The following RANBP17 variants were observed in gnomAD, a reference collection of about 807,000 sequenced individuals.
RANBP17 encodes RAN binding protein 17.
In RANBP17, 158 loss-of-function variants were observed where a neutral mutation model predicts 141.2. The ratio of observed to expected loss-of-function variants is 1.12; its 90% CI spans 0.98 to 1.28. RANBP17 has a LOEUF of 1.28. RANBP17 is among the 50% of genes most tolerant of loss of function. The pLI, the probability that RANBP17 is intolerant of heterozygous loss-of-function variation, is 0.00. For missense variants in RANBP17, 1,438 were observed against 1,290.7 expected (o/e 1.11, Z -1.75); for synonymous variants, 430 against 450.0 (o/e 0.96, Z 0.56).
chr5:171,204,784 T>C (rs1762479170), intron 19 of RANBP17, among the ~76,000 whole-genome samples: 1 of 152,182 alleles, frequency 6.6e-6, no homozygotes, highest in African/African-American at 2.4e-5. Flanking sequence ...GAACATTTAC[T>C]GTGTATCAAG....
chr5:170,895,937 T>C (rs1770075460), intron 4 of RANBP17, 113 bp from the exon 5 acceptor site: 1 of 492,016 alleles, frequency 2.0e-6, no homozygotes. Context: ...CATTTTATTA[T>C]TGAGTAAATG....
rs1764968124 is a variant in RANBP17, at chr5:171,242,750, C to T, written c.2706C>T (p.Phe902=). ...GTCTCACTCAGGACCATATGAGCTT[C>T]ATCATCAACTTAGAGCCTCCTGTAC... ...LECLTQDHMS[F]IINLEPPVLM... The change falls in exon 24 of 28, where the codon TTC becomes TTT. Residue 902 remains phenylalanine, a synonymous_variant. Coordinates refer to ENST00000523189, the MANE Select transcript of RANBP17 (RefSeq NM_022897.5). 11 of 1,613,716 alleles carry T rather than the reference C, an allele frequency of 6.8e-6. No individual in the cohort carries two copies. In the East Asian group the frequency reaches 2.5e-4, roughly 36 times the overall value.
chr5:170,912,833 G>A (rs1771640913), intron 7 of RANBP17, among the ~76,000 whole-genome samples: 1 of 151,838 alleles, frequency 6.6e-6, no homozygotes, highest in East Asian at 1.9e-4. Flanking sequence ...GTTCTGAAGG[G>A]TATGCATTTT....
chr5:170,989,741 TCTTTG>T (rs1256230792), intron 14 of RANBP17, among the ~76,000 whole-genome samples: 2 of 151,918 alleles, frequency 1.3e-5, no homozygotes, highest in South Asian at 2.1e-4. Context: ...TGTATACTGG[TCTTTG>T]CTAACTCATG....
intron 14 of RANBP17, among the ~76,000 whole-genome samples, chr5:171,041,249 T>A (rs551981621): frequency 7.2e-5 from 11 of 152,260 alleles, no homozygotes; most frequent in Non-Finnish European, 1.5e-4. Context: ...TGTTATTTAT[T>A]TATTATTACT....
chr5:171,168,467 G>A (rs1759856265), intron 14 of RANBP17, among the ~76,000 whole-genome samples: 1 of 152,152 alleles, frequency 6.6e-6, no homozygotes, highest in Non-Finnish European at 1.5e-5. Context: ...CATTAATCAT[G>A]TCGATGCTAG....
At chr5:170,952,741 C>T (rs74722747) in intron 12 of RANBP17, among the ~76,000 whole-genome samples, 4,034 of 152,006 alleles carry the variant, frequency 0.027, 173 homozygotes, top group African/African-American at 0.091. Context: ...AAAAATCAGT[C>T]TCCAAGAATA....
At chr5:170,877,092 A>G (rs1261845425) in intron 1 of RANBP17, among the ~76,000 whole-genome samples, 2 of 152,086 alleles carry the variant, frequency 1.3e-5, no homozygotes, top group African/African-American at 4.8e-5. Flanking sequence ...GATTTATATC[A>G]TCAAGATAGG....
At chr5:171,159,205 C>T (rs1030099202) in intron 14 of RANBP17, among the ~76,000 whole-genome samples, 3 of 152,166 alleles carry the variant, frequency 2.0e-5, no homozygotes, top group African/African-American at 7.2e-5. Context: ...ACCCAGTTTG[C>T]TTTTCGCTGT....
chr5:171,057,941 G>T (rs1486073134), intron 14 of RANBP17, among the ~76,000 whole-genome samples: 1 of 152,102 alleles, frequency 6.6e-6, no homozygotes, highest in African/African-American at 2.4e-5. Context: ...TGAGATTTGG[G>T]TGGGGACACA....
intron 3 of RANBP17, among the ~76,000 whole-genome samples, chr5:170,883,051 A>G (rs559196270): frequency 1.3e-4 from 20 of 152,352 alleles, no homozygotes; most frequent in Non-Finnish European, 2.1e-4. Flanking sequence ...AAATCTCACA[A>G]TGATACCTTG....
intron 27 of RANBP17, among the ~76,000 whole-genome samples, chr5:171,297,846 C>CTTTTTTTTTTTTT (rs71310040): frequency 1.5e-5 from 1 of 67,472 alleles, no homozygotes; most frequent in African/African-American, 5.7e-5. Context: ...CCAATAAATT[C>CTTTTTTTTTTTTT]TTTTTTTTTT....
At chr5:171,031,862 A>G (rs1781569536) in intron 14 of RANBP17, among the ~76,000 whole-genome samples, 1 of 152,076 alleles carries the variant, frequency 6.6e-6, no homozygotes, top group Admixed American at 6.6e-5. Context: ...GTCATTGGTT[A>G]GATTGCCTGA....
At chr5:170,927,438 A>G (rs765710368) in intron 12 of RANBP17, among the ~76,000 whole-genome samples, 6 of 152,132 alleles carry the variant, frequency 3.9e-5, no homozygotes, top group Non-Finnish European at 2.9e-5. Flanking sequence ...ATGGTTTTTC[A>G]GTATAATTTA....
chr5:171,060,394 G>C (rs1253765034), intron 14 of RANBP17, among the ~76,000 whole-genome samples: 2 of 151,842 alleles, frequency 1.3e-5, no homozygotes. Flanking sequence ...TTTTGTCAAA[G>C]GCCTTTTTTG....
At chr5:171,035,614 A>G (rs1230147913) in intron 14 of RANBP17, among the ~76,000 whole-genome samples, 1 of 150,588 alleles carries the variant, frequency 6.6e-6, no homozygotes, top group Non-Finnish European at 1.5e-5. Context: ...GCAGATGAGA[A>G]CACTGAGGCA....
intron 24 of RANBP17, among the ~76,000 whole-genome samples, chr5:171,264,626 AGTAAGCTCTT>A (rs1257257925): frequency 6.6e-6 from 1 of 152,238 alleles, no homozygotes; most frequent in Non-Finnish European, 1.5e-5. Context: ...AGTAACTCAT[AGTAAGCTCTT>A]AATAAATGTC....
chr5:171,218,724 CTT>C (rs201748300), intron 21 of RANBP17, among the ~76,000 whole-genome samples: 2 of 144,288 alleles, frequency 1.4e-5, no homozygotes, highest in Non-Finnish European at 3.1e-5. Flanking sequence ...GATTGCCACC[CTT>C]TTTTTTTTTT....
intron 14 of RANBP17, among the ~76,000 whole-genome samples, chr5:171,015,214 A>T (rs1780346151): frequency 6.6e-6 from 1 of 152,054 alleles, no homozygotes; most frequent in Non-Finnish European, 1.5e-5. Flanking sequence ...AAAATTTGGA[A>T]AACTTTTAGC....
Sources: gnomAD v4.1 joint callset for allele counts (sites outside exome capture counted in the v4.1 genomes callset) on GRCh38, gnomAD v4.1.1 for gene constraint, MANE v1.5 for transcripts, NCBI Gene and HGNC (gene_info 2026-07-23, HGNC 2026-07-21) for gene names.